UBE2QL1: variants seen among roughly 807,000 people sequenced by gnomAD.
UBE2QL1 encodes ubiquitin conjugating enzyme E2 QL1.
In UBE2QL1, 5 loss-of-function variants were observed where a neutral mutation model predicts 12.6. The ratio of observed to expected loss-of-function variants is 0.40; its 90% CI spans 0.21 to 0.83. UBE2QL1 has a LOEUF of 0.83. Among genes scored for constraint, UBE2QL1 ranks in the 40% least tolerant of loss-of-function variants. The probability of loss-of-function intolerance (pLI) is 0.37; values close to 1 mark genes in which losing one functional copy is unlikely to be tolerated. For synonymous variants in UBE2QL1, 96 were observed against 94.5 expected, an observed-to-expected ratio of 1.02 and a Z score of -0.10; for missense variants, 99 against 222.6, an observed-to-expected ratio of 0.44 and a Z score of 3.53.
rs1734662607 is a variant in UBE2QL1 at position 6,496,216 on chromosome 5, G to A, written c.*4867G>A. On this transcript the variant is annotated 3_prime_UTR_variant, in exon 2 of 2. Transcript: ENST00000399816. ...GTGTCTCTCGCAGAATTAAAGCCAG[G>A]AGGTGGCTTTCTCTTTCCTTCTACT... Among the ~76,000 whole-genome samples the A allele has an allele frequency of 6.6e-6, 1 of 152,176 alleles. No homozygotes were observed. The highest frequency in any genetic ancestry group is 6.5e-5 in the Admixed American group (1 of 15,280).
chr5:6,483,728 G>A (rs1290028260), intron 1 of UBE2QL1, among the ~76,000 whole-genome samples: 1 of 152,194 alleles, frequency 6.6e-6, no homozygotes, highest in African/African-American at 2.4e-5. Context: ...CAAAGTGGGA[G>A]CAGGGCCATG....
At chr5:6,451,970 G>A (rs1039518442) in intron 1 of UBE2QL1, among the ~76,000 whole-genome samples, 10 of 152,126 alleles carry the variant, frequency 6.6e-5, no homozygotes, top group Non-Finnish European at 1.2e-4. Flanking sequence ...ACTTTAAAAG[G>A]GAGAGTCGTT....
At chr5:6,468,204 T>G (rs1739836744) in intron 1 of UBE2QL1, among the ~76,000 whole-genome samples, 1 of 152,202 alleles carries the variant, frequency 6.6e-6, no homozygotes, top group South Asian at 2.1e-4. Flanking sequence ...TTCCAGCCAC[T>G]GCTGTCTTGA....
At chr5:6,453,326 G>A (rs774785261) in intron 1 of UBE2QL1, among the ~76,000 whole-genome samples, 47 of 152,268 alleles carry the variant, frequency 3.1e-4, no homozygotes, top group Non-Finnish European at 4.9e-4. Flanking sequence ...AATGGCAGTC[G>A]GGCCAGGTGC....
chr5:6,459,676 C>T (rs548372601), intron 1 of UBE2QL1, among the ~76,000 whole-genome samples: 1 of 152,216 alleles, frequency 6.6e-6, no homozygotes, highest in Non-Finnish European at 1.5e-5. Flanking sequence ...TTTATTAACA[C>T]ATTAAATATT....
At chr5:6,454,871 G>C (rs1739486510) in intron 1 of UBE2QL1, among the ~76,000 whole-genome samples, 2 of 152,128 alleles carry the variant, frequency 1.3e-5, no homozygotes, top group Non-Finnish European at 2.9e-5. Context: ...TGACTGTGCA[G>C]CTTGAGGTAT....
At chr5:6,452,333 C>T (rs1366755968) in intron 1 of UBE2QL1, among the ~76,000 whole-genome samples, 2 of 152,076 alleles carry the variant, frequency 1.3e-5, no homozygotes, top group Non-Finnish European at 2.9e-5. Flanking sequence ...TTCTGGTTGT[C>T]TTAAATTAAA....
intron 1 of UBE2QL1, among the ~76,000 whole-genome samples, chr5:6,467,638 G>C (rs1739824890): frequency 1.3e-5 from 2 of 148,832 alleles, no homozygotes; most frequent in African/African-American, 5.0e-5. Context: ...GCCCACAGGA[G>C]AGCCTTGCTT....
chr5:6,450,015 T>G lies in UBE2QL1; in HGVS notation c.354+768T>G, dbSNP rs574928686. ...GCTGCCTCTCCTGGAAAGGTGGAAA[T>G]TTTGCTCTTGGGAACTCACTCTAGA... On this transcript the variant is annotated intron_variant, in intron 1 of 1. Coordinates refer to ENST00000399816, the MANE Select transcript of UBE2QL1 (RefSeq NM_001145161.3). Among the ~76,000 whole-genome samples, 39 of 151,910 alleles carry G rather than the reference T, an allele frequency of 2.6e-4. No homozygotes were observed. The South Asian group carries it at 5.0e-3, about 19-fold the overall frequency.
At chr5:6,461,865 C>T (rs1420719611) in intron 1 of UBE2QL1, among the ~76,000 whole-genome samples, 5 of 152,202 alleles carry the variant, frequency 3.3e-5, no homozygotes, top group Admixed American at 6.5e-5. Flanking sequence ...AGTCACACAC[C>T]GTTTAGAGGT....
intron 1 of UBE2QL1, among the ~76,000 whole-genome samples, chr5:6,468,043 G>C (rs1047233717): frequency 6.6e-6 from 1 of 151,994 alleles, no homozygotes; most frequent in African/African-American, 2.4e-5. Context: ...CATCTTCTTT[G>C]GCACTTTTCC....
At chr5:6,482,824 C>T (rs1319996288) in intron 1 of UBE2QL1, among the ~76,000 whole-genome samples, 1 of 152,214 alleles carries the variant, frequency 6.6e-6, no homozygotes, top group Non-Finnish European at 1.5e-5. Context: ...GCTGAACACC[C>T]TTAGTGCACA....
intron 1 of UBE2QL1, among the ~76,000 whole-genome samples, chr5:6,488,815 AAAG>A (rs1553989660): frequency 2.0e-5 from 3 of 150,968 alleles, no homozygotes; most frequent in Non-Finnish European, 4.4e-5. Context: ...AGAAAAAAAA[AAAG>A]AAGAAATTGA....
intron 1 of UBE2QL1, among the ~76,000 whole-genome samples, chr5:6,465,143 T>G (rs1479749878): frequency 6.6e-6 from 1 of 151,696 alleles, no homozygotes; most frequent in African/African-American, 2.4e-5. Context: ...TGCGCCACCA[T>G]GCATGGCTAA....
chr5:6,483,001 G>A (rs529725576), intron 1 of UBE2QL1, among the ~76,000 whole-genome samples: 33 of 152,280 alleles, frequency 2.2e-4, no homozygotes, highest in African/African-American at 6.5e-4. Flanking sequence ...CACCCACCAC[G>A]CCAGCAAGGC....
intron 1 of UBE2QL1, among the ~76,000 whole-genome samples, chr5:6,472,256 C>T (rs746967119): frequency 2.6e-5 from 4 of 152,184 alleles, no homozygotes; most frequent in Non-Finnish European, 4.4e-5. Context: ...TGCCAGCAAT[C>T]TCCCACCTCC....
chr5:6,455,153 G>A (rs1428447285), intron 1 of UBE2QL1, among the ~76,000 whole-genome samples: 1 of 152,122 alleles, frequency 6.6e-6, no homozygotes, highest in Non-Finnish European at 1.5e-5. Context: ...GGGAGATTGG[G>A]TTTTCTCTGT....
chr5:6,488,641 AT>A (rs1378111857), intron 1 of UBE2QL1, among the ~76,000 whole-genome samples: 9 of 151,530 alleles, frequency 5.9e-5, no homozygotes, highest in Admixed American at 4.6e-4. Flanking sequence ...TATAAAAAAA[AT>A]TTTTTTAACT....
At chr5:6,469,502 T>G (rs535638076) in intron 1 of UBE2QL1, among the ~76,000 whole-genome samples, 36 of 148,060 alleles carry the variant, frequency 2.4e-4, no homozygotes, top group Non-Finnish European at 4.6e-4. Context: ...TATATATATT[T>G]TTTATATATA....
Sources: gnomAD v4.1 joint callset for allele counts (sites outside exome capture counted in the v4.1 genomes callset) on GRCh38, gnomAD v4.1.1 for gene constraint, MANE v1.5 for transcripts, NCBI Gene and HGNC (gene_info 2026-07-23, HGNC 2026-07-21) for gene names.